Variants in TRIM67 observed in about 807,000 individuals in gnomAD.
The protein encoded by TRIM67 is tripartite motif containing 67, also known as tripartite motif-containing protein 67.
In TRIM67, 39 loss-of-function variants were observed where a neutral mutation model predicts 71.0. The ratio of observed to expected loss-of-function variants is 0.55; its 90% confidence interval spans 0.43 to 0.72. The LOEUF is 0.72. Ranked by LOEUF, TRIM67 falls within the 30% of genes least tolerant of loss-of-function variation. The pLI is 0.00. For synonymous variants in TRIM67, 481 were observed against 473.9 expected (o/e 1.01, Z -0.19); for missense variants, 973 against 1,079.2 (o/e 0.90, Z 1.38).
intron 1 of TRIM67, among the ~76,000 whole-genome samples, chr1:231,179,857 T>C (rs1156813334): frequency 1.3e-5 from 2 of 151,926 alleles, no homozygotes; most frequent in Admixed American, 6.6e-5. Flanking sequence ...CGGTTTAAGG[T>C]AGGGGAGGGG....
intron 1 of TRIM67, 41 bp downstream of exon 1, chr1:231,164,054 G>T: frequency 6.9e-7 from 1 of 1,444,586 alleles, no homozygotes. Flanking sequence ...CCAGGGAAGA[G>T]GGTACGAGGA....
At chr1:231,193,503 GCTCTCTCTCTCTCT>G (rs3049035) in intron 1 of TRIM67, among the ~76,000 whole-genome samples, 53 of 81,996 alleles carry the variant, frequency 6.5e-4, no homozygotes, top group African/African-American at 1.5e-3. Flanking sequence ...TCTCTCTCAA[GCTCTCTCTCTCTCT>G]CTCTCTCTCT....
chr1:231,163,460 G>A lies in TRIM67; in HGVS notation c.491G>A (p.Arg164His), dbSNP rs1248008542. Reference sequence around the variant, plus strand: ...TCCATCACGTGCCCGCAGTGCCACCGCAGCGCATCCCTGGACCACCGCGGC... The same window carrying A: ...TCCATCACGTGCCCGCAGTGCCACCACAGCGCATCCCTGGACCACCGCGGC... ...SSSITCPQCH[R>H]SASLDHRGLR... The change falls in exon 1 of 10, where the codon CGC becomes CAC. Residue 164 changes from arginine (R) to histidine (H), a missense_variant. Physicochemically the swap from Arg to His is conservative, Grantham distance 29 (BLOSUM62 0). Transcript: ENST00000366653. 2 of 1,538,638 alleles carry A rather than the reference G, an allele frequency of 1.3e-6. No homozygotes were observed. The highest frequency in any genetic ancestry group is 8.7e-7 in the Non-Finnish European group (1 of 1,148,476).
rs1683933142 is a variant in TRIM67 at position 231,213,724 on chromosome 1, GTGTC to G, written c.2124-89_2124-86del. ...CCAGCCTGGGTGACAGAGTGAGACC[GTGTC>G]TCTAAATAAGTAAATAATTCTCCTG... On this transcript the variant is annotated intron_variant, in intron 8 of 9. Transcript: ENST00000366653. 1.5e-5 allele frequency: 21 copies of G among 1,433,206 alleles called. No individual in the cohort carries two copies. In the East Asian group the frequency reaches 5.1e-4, roughly 35 times the overall value. The allele number at this position is 1,433,206 out of a possible 1,614,324, so 88.8% of individuals were successfully genotyped here.
Position 231,220,506 on chromosome 1 carries a change from T to A in TRIM67, c.*5066T>A, listed in dbSNP as rs1335312086. 6.5e-6 allele frequency: 1 copy of A among 153,226 alleles called. No homozygotes were observed. The highest frequency in any genetic ancestry group is 1.5e-5 in the Non-Finnish European group (1 of 68,838). 9.5% of individuals were successfully genotyped at this position (153,226 alleles called of 1,614,324 possible). A position where few individuals can be genotyped will look rare whatever the true frequency, so the allele number is the denominator to read the frequency against. ...TCTAAGGGGTCTCTCATCTCACAGC[T>A]TGCCTCCTTTGTTTCGAGGGGTCTC... On this transcript the variant is annotated 3_prime_UTR_variant, in exon 10 of 10. Transcript: ENST00000366653.
chr1:231,183,099 G>T (rs1682952142), intron 1 of TRIM67, among the ~76,000 whole-genome samples: 1 of 152,206 alleles, frequency 6.6e-6, no homozygotes, highest in Non-Finnish European at 1.5e-5. Context: ...GTCAGAGTCT[G>T]AAGCTGAGTT....
intron 1 of TRIM67, among the ~76,000 whole-genome samples, chr1:231,172,160 G>A (rs376914861): frequency 6.6e-6 from 1 of 152,156 alleles, no homozygotes; most frequent in African/African-American, 2.4e-5. Context: ...TTGAATAACT[G>A]TAAAAATGCA....
chr1:231,162,850 C>A lies in TRIM67; in HGVS notation c.-120C>A. 7.4e-7 allele frequency: 1 copy of A among 1,358,566 alleles called. No homozygotes were observed. Among genetic ancestry groups the A allele is most frequent in the Non-Finnish European group, 9.9e-7 (1 of 1,006,938 alleles). 84.2% of individuals were successfully genotyped at this position (1,358,566 alleles called of 1,614,324 possible). ...CCCCTCGGCTGTGAAGTGGGCATGC[C>A]CGTGTGATGCCCCCGCCCGTCGTCT... On this transcript the variant is annotated 5_prime_UTR_variant, in exon 1 of 10. Coordinates refer to ENST00000366653, the MANE Select transcript of TRIM67 (RefSeq NM_001004342.5).
intron 5 of TRIM67, among the ~76,000 whole-genome samples, chr1:231,201,941 A>G (rs1369274973): frequency 2.4e-5 from 1 of 41,660 alleles, no homozygotes; most frequent in Non-Finnish European, 4.8e-5. Flanking sequence ...GGATGGTGGC[A>G]GGTGCTATGA....
At chr1:231,195,587 C>T (rs1683346510) in intron 1 of TRIM67, among the ~76,000 whole-genome samples, 1 of 152,232 alleles carries the variant, frequency 6.6e-6, no homozygotes, top group African/African-American at 2.4e-5. Context: ...GCCTAAGGCT[C>T]CTGCTCTCTC....
chr1:231,217,376 T>C lies in TRIM67; in HGVS notation c.*1936T>C. ...CATCCCAGAGCCCTGTCCAGAGCTC[T>C]TGGTGGTGACACACAAGACCTGGGA... On this transcript the variant is annotated 3_prime_UTR_variant, in exon 10 of 10. Transcript: ENST00000366653. 1.0e-6 allele frequency: 1 copy of C among 986,896 alleles called. No homozygotes were observed. Among genetic ancestry groups the C allele is most frequent in the Non-Finnish European group, 1.2e-6 (1 of 830,908 alleles). The allele number at this position is 986,896 out of a possible 1,614,324, so 61.1% of individuals were successfully genotyped here.
At chr1:231,170,365 C>T (rs941001771) in intron 1 of TRIM67, among the ~76,000 whole-genome samples, 4 of 152,118 alleles carry the variant, frequency 2.6e-5, no homozygotes, top group Non-Finnish European at 5.9e-5. Context: ...AGGCAAGAAT[C>T]CAGAAACTTG....
chr1:231,185,233 C>T (rs888202723), intron 1 of TRIM67: 5 of 1,532,936 alleles, frequency 3.3e-6, no homozygotes, highest in Admixed American at 3.9e-5. Context: ...TATCTGAAAA[C>T]TCCCTGTGAG....
chr1:231,182,568 G>A (rs531654421), intron 1 of TRIM67, among the ~76,000 whole-genome samples: 45 of 152,268 alleles, frequency 3.0e-4, no homozygotes, highest in Non-Finnish European at 4.1e-4. Flanking sequence ...TTGGATGACC[G>A]TGGGGCACCG....
intron 1 of TRIM67, among the ~76,000 whole-genome samples, chr1:231,164,254 C>T (rs769791237): frequency 3.3e-5 from 5 of 152,180 alleles, no homozygotes; most frequent in African/African-American, 4.8e-5. Flanking sequence ...TAGGTCCCCA[C>T]CCACCCGAGG....
chr1:231,200,626 T>G (rs1482128792), intron 4 of TRIM67, among the ~76,000 whole-genome samples: 1 of 152,188 alleles, frequency 6.6e-6, no homozygotes, highest in Non-Finnish European at 1.5e-5. Context: ...CAGGCCTGGC[T>G]GGTGACCAGC....
In TRIM67 at chr1:231,217,714, C is replaced by G; in HGVS notation, c.*2274C>G. The G allele has an allele frequency of 3.2e-6, 4 of 1,233,710 alleles. No homozygotes were observed. Among genetic ancestry groups the G allele is most frequent in the Non-Finnish European group, 4.2e-6 (4 of 960,160 alleles). 76.4% of individuals were successfully genotyped at this position (1,233,710 alleles called of 1,614,324 possible). On this transcript the variant is annotated 3_prime_UTR_variant, in exon 10 of 10. Transcript: ENST00000366653. The stretch of plus-strand genomic sequence containing the variant: ...GTGGAGCCTCCACCATCACCACAGC[C>G]CAGGTCACCAGGTGGCCCCAGCTCT...
rs1348599371 is a variant in TRIM67, at chr1:231,220,203, T to A, written c.*4763T>A. On this transcript the variant is annotated 3_prime_UTR_variant, in exon 10 of 10. Transcript: ENST00000366653. ...AGTGTTCTCTGACCAGTGTCTTCCA[T>A]CCAAGCCTCCTTGTGACCAGGGCAA... 1 of 341,372 alleles carries A rather than the reference T, an allele frequency of 2.9e-6. No individual in the cohort carries two copies. Among genetic ancestry groups the A allele is most frequent in the Non-Finnish European group, 5.7e-6 (1 of 175,294 alleles). The allele number at this position is 341,372 out of a possible 1,614,324, so 21.1% of individuals were successfully genotyped here. A position where few individuals can be genotyped will look rare whatever the true frequency, so the allele number is the denominator to read the frequency against.
intron 1 of TRIM67, among the ~76,000 whole-genome samples, chr1:231,180,887 G>T (rs1419513549): frequency 6.6e-6 from 1 of 152,064 alleles, no homozygotes. Flanking sequence ...TCTAAGGCTG[G>T]GCCCTCTAAC....
Sources: gnomAD v4.1 joint callset for allele counts (sites outside exome capture counted in the v4.1 genomes callset) on GRCh38, gnomAD v4.1.1 for gene constraint, MANE v1.5 for transcripts, NCBI Gene and HGNC (gene_info 2026-07-23, HGNC 2026-07-21) for gene names.